Variants in CA10 observed in about 807,000 individuals in gnomAD.
CA10 encodes the protein carbonic anhydrase-related protein 10.
A neutral mutation model predicts 44.2 loss-of-function variants in CA10; 14 were observed. The ratio of observed to expected loss-of-function variants is 0.32; its 90% CI spans 0.21 to 0.50. The LOEUF (loss-of-function observed/expected upper bound fraction) is 0.50. Ranked by LOEUF, CA10 falls within the 20% of genes least tolerant of loss-of-function variation. The pLI, the probability that CA10 is intolerant of heterozygous loss-of-function variation, is 0.99. For missense variants in CA10, 350 were observed against 409.7 expected, an observed-to-expected ratio of 0.85 and a Z score of 1.26; for synonymous variants, 159 against 141.6, an observed-to-expected ratio of 1.12 and a Z score of -0.87.
At chr17:51,734,196 A>G (rs1041368915) in intron 4 of CA10, among the ~76,000 whole-genome samples, 2 of 148,790 alleles carry the variant, frequency 1.3e-5, no homozygotes, top group Non-Finnish European at 3.0e-5. Flanking sequence ...GGGGGTTCCA[A>G]TGTAACACAA....
chr17:51,967,943 G>C (rs1984142371), intron 2 of CA10, among the ~76,000 whole-genome samples: 1 of 151,760 alleles, frequency 6.6e-6, no homozygotes, highest in South Asian at 2.1e-4. Context: ...TATCATTCCT[G>C]TGTGTTACCC....
chr17:51,867,977 A>T (rs1228470100), intron 3 of CA10, among the ~76,000 whole-genome samples: 1 of 152,134 alleles, frequency 6.6e-6, no homozygotes, highest in Non-Finnish European at 1.5e-5. Context: ...CACTGTTTCT[A>T]CATTATTCAG....
chr17:51,653,133 T>C (rs1913641434), intron 5 of CA10, among the ~76,000 whole-genome samples: 1 of 152,132 alleles, frequency 6.6e-6, no homozygotes, highest in Non-Finnish European at 1.5e-5. Flanking sequence ...CCAGGGAGGC[T>C]TATGAAGGAA....
chr17:51,931,553 T>G (rs1354705170), intron 2 of CA10, among the ~76,000 whole-genome samples: 1 of 152,246 alleles, frequency 6.6e-6, no homozygotes, highest in Middle Eastern at 3.4e-3. Flanking sequence ...ATTTGGAAGT[T>G]TTTCAAGGAA....
intron 2 of CA10, among the ~76,000 whole-genome samples, chr17:51,946,597 A>T (rs1429428860): frequency 6.6e-6 from 1 of 151,930 alleles, no homozygotes; most frequent in East Asian, 1.9e-4. Context: ...TCTCCATCAC[A>T]CCATGTCCCT....
intron 2 of CA10, among the ~76,000 whole-genome samples, chr17:51,946,781 G>T (rs1292293720): frequency 6.6e-6 from 1 of 152,136 alleles, no homozygotes; most frequent in African/African-American, 2.4e-5. Context: ...TATAACAATA[G>T]CAGAAAGCAT....
intron 3 of CA10, among the ~76,000 whole-genome samples, chr17:51,825,574 C>T (rs574633412): frequency 6.6e-6 from 1 of 152,366 alleles, no homozygotes; most frequent in East Asian, 1.9e-4. Context: ...AGTCTGACTT[C>T]AGAATTCCAT....
At position 51,633,612 on chromosome 17, in the gene CA10, A is replaced by C; in HGVS notation, c.828T>G (p.Ser276=). Residue 276 remains serine, a synonymous_variant, in exon 8 of 9, where the codon TCT becomes TCG. Coordinates refer to ENST00000451037, the MANE Select transcript of CA10 (RefSeq NM_020178.5). ...SLRLLSQNQP[S]QIFLSMSDNF... ...TGTCACTCATGCTCAGAAAGATCTGAGATGGCTGGTTCTGGCTGAGCAGGC... is the reference window on the plus strand; with the variant it reads ...TGTCACTCATGCTCAGAAAGATCTGCGATGGCTGGTTCTGGCTGAGCAGGC... 6.2e-7 allele frequency: 1 copy of C among 1,613,920 alleles called. No homozygotes were observed. Among genetic ancestry groups the C allele is most frequent in the Non-Finnish European group, 8.5e-7 (1 of 1,179,874 alleles).
At chr17:51,859,304 A>G (rs936845607) in intron 3 of CA10, among the ~76,000 whole-genome samples, 4 of 152,146 alleles carry the variant, frequency 2.6e-5, no homozygotes, top group African/African-American at 9.7e-5. Flanking sequence ...AAGGGGTTTC[A>G]GCCCACAGCA....
At chr17:51,792,290 C>T (rs1257481214) in intron 3 of CA10, among the ~76,000 whole-genome samples, 2 of 152,196 alleles carry the variant, frequency 1.3e-5, no homozygotes, top group Admixed American at 1.3e-4. Flanking sequence ...TGTTGCTTCT[C>T]CATCTCCATC....
intron 2 of CA10, among the ~76,000 whole-genome samples, chr17:52,007,204 AT>A (rs570390438): frequency 2.2e-4 from 33 of 151,452 alleles, no homozygotes; most frequent in East Asian, 1.8e-3. Flanking sequence ...AATAGTGACA[AT>A]TTTTTTTCTT....
intron 1 of CA10, among the ~76,000 whole-genome samples, chr17:52,089,785 A>C (rs780069196): frequency 2.0e-5 from 3 of 152,094 alleles, no homozygotes; most frequent in Non-Finnish European, 2.9e-5. Context: ...TTATGCATGC[A>C]TGCATATGTG....
At chr17:52,107,350 C>A (rs778690231) in intron 1 of CA10, among the ~76,000 whole-genome samples, 1 of 152,092 alleles carries the variant, frequency 6.6e-6, no homozygotes, top group Admixed American at 6.6e-5. Flanking sequence ...ATACTAACCT[C>A]GAGCACATAT....
chr17:51,831,710 A>AGCG (rs1555604073), intron 3 of CA10, among the ~76,000 whole-genome samples: 3 of 102,818 alleles, frequency 2.9e-5, no homozygotes, highest in Non-Finnish European at 6.8e-5. Flanking sequence ...CAGCAGCAGC[A>AGCG]GCAGCAGCAG....
At chr17:51,935,082 C>T (rs768788744) in intron 2 of CA10, among the ~76,000 whole-genome samples, 1 of 152,070 alleles carries the variant, frequency 6.6e-6, no homozygotes, top group African/African-American at 2.4e-5. Context: ...GCAGAACTGT[C>T]AGTTATATCC....
intron 3 of CA10, among the ~76,000 whole-genome samples, chr17:51,801,709 G>A (rs1395561517): frequency 6.6e-6 from 1 of 152,214 alleles, no homozygotes; most frequent in Admixed American, 6.5e-5. Context: ...GATTCCAGGT[G>A]TAGAGCAGAA....
In CA10 at chr17:51,685,733, T is replaced by C. The variant is rs1000367907; in HGVS notation, c.466-31997A>G. 2.6e-5 allele frequency among the ~76,000 whole-genome samples: 4 copies of C among 152,114 alleles called. No individual in the cohort carries two copies. The East Asian group carries it at 7.7e-4, about 29-fold the overall frequency. On this transcript the variant is annotated intron_variant, in intron 4 of 8. Transcript: ENST00000451037. ...ACCAGGGAATAGAAATGGGCCTGAG[T>C]GGCAGCCAAACAATCAACAGAGGTG... is the stretch of plus-strand genomic sequence containing the variant.
intron 1 of CA10, among the ~76,000 whole-genome samples, chr17:52,129,773 C>T (rs72836045): frequency 0.02 from 2,981 of 152,246 alleles, 42 homozygotes; most frequent in Non-Finnish European, 0.031. Flanking sequence ...TATAGTTCAA[C>T]TACTTAACAT....
At chr17:51,812,355 T>G (rs569535835) in intron 3 of CA10, among the ~76,000 whole-genome samples, 1 of 152,366 alleles carries the variant, frequency 6.6e-6, no homozygotes, top group East Asian at 1.9e-4. Flanking sequence ...AGAGATAGCA[T>G]AAAATGGTGT....
Sources: allele counts gnomAD v4.1 joint callset (sites outside exome capture counted in the v4.1 genomes callset), GRCh38; gene constraint gnomAD v4.1.1; transcripts MANE v1.5; gene names NCBI Gene and HGNC (gene_info 2026-07-23, HGNC 2026-07-21).